Variants in TACC2 observed in about 807,000 individuals in gnomAD.
TACC2 encodes transforming acidic coiled-coil containing protein 2, also known as transforming acidic coiled-coil-containing protein 2.
TACC2 carries 137 observed loss-of-function variants against 227.3 expected under a neutral mutation model. The observed-to-expected ratio is 0.60, with a 90% CI of 0.52 to 0.69. The LOEUF is 0.69. Among genes scored for constraint, TACC2 ranks in the 30% least tolerant of loss-of-function variants. The probability of loss-of-function intolerance (pLI) is 0.00; values close to 1 mark genes in which losing one functional copy is unlikely to be tolerated. For missense variants in TACC2, 3,470 were observed against 3,694.4 expected (o/e 0.94, Z 1.57); for synonymous variants, 1,523 against 1,487.5 (o/e 1.02, Z -0.55).
At chr10:122,044,174 C>A (rs2074692831) in intron 2 of TACC2, among the ~76,000 whole-genome samples, 1 of 152,258 alleles carries the variant, frequency 6.6e-6, no homozygotes, top group South Asian at 2.1e-4. Flanking sequence ...CTCTATCGTG[C>A]TGTATCACAT....
chr10:122,203,943 G>A (rs1186344126), intron 8 of TACC2, among the ~76,000 whole-genome samples: 1 of 151,922 alleles, frequency 6.6e-6, no homozygotes, highest in Non-Finnish European at 1.5e-5. Context: ...ATCACTCGCG[G>A]TTAGGGGCTG....
chr10:122,074,340 A>G (rs1412187557), intron 3 of TACC2, among the ~76,000 whole-genome samples: 1 of 152,080 alleles, frequency 6.6e-6, no homozygotes, highest in Non-Finnish European at 1.5e-5. Flanking sequence ...TCGGCCTCCC[A>G]AAGTGCTGGG....
intron 18 of TACC2, among the ~76,000 whole-genome samples, chr10:122,238,595 G>A (rs972133181): frequency 6.6e-6 from 1 of 151,950 alleles, no homozygotes; most frequent in Non-Finnish European, 1.5e-5. Flanking sequence ...GATTACAGGC[G>A]CCTGCCACCA....
At chr10:122,154,969 CAAG>C (rs2092364736) in intron 7 of TACC2, among the ~76,000 whole-genome samples, 2 of 152,198 alleles carry the variant, frequency 1.3e-5, no homozygotes, top group South Asian at 4.1e-4. Flanking sequence ...GCCTGGCTCA[CAAG>C]AAGGGCAGCC....
At position 122,063,851 on chromosome 10, in the gene TACC2, C is replaced by CACACAT. The variant is rs1554989063; in HGVS notation, c.146+13306_146+13307insTACACA. On this transcript the variant is annotated intron_variant, in intron 3 of 22. Transcript: ENST00000369005. ...TATAATACACACACACACACACACA[C>CACACAT]ACACACCCTTAAAGAAATGTGTGTG... Among the ~76,000 whole-genome samples the CACACAT allele has an allele frequency of 2.6e-5, 4 of 151,382 alleles. No homozygotes were observed. In the East Asian group the frequency reaches 7.8e-4, roughly 29 times the overall value.
intron 3 of TACC2, among the ~76,000 whole-genome samples, chr10:122,063,831 T>TACACACACACAC (rs139868618): frequency 3.4e-5 from 5 of 146,392 alleles, no homozygotes; most frequent in African/African-American, 1.3e-4. Flanking sequence ...TATTATATAA[T>TACACACACACAC]ACACACACAC....
intron 2 of TACC2, among the ~76,000 whole-genome samples, chr10:122,041,968 C>T (rs973890366): frequency 5.3e-5 from 8 of 152,108 alleles, no homozygotes; most frequent in Admixed American, 1.3e-4. Flanking sequence ...TTTTTTGAGA[C>T]GGAGTCTCGC....
At chr10:122,189,663 G>A (rs530213803) in intron 7 of TACC2, among the ~76,000 whole-genome samples, 1 of 152,182 alleles carries the variant, frequency 6.6e-6, no homozygotes. Context: ...ACCTGGATTC[G>A]AATATGGAAG....
intron 14 of TACC2, among the ~76,000 whole-genome samples, chr10:122,228,343 G>A (rs2095667876): frequency 6.6e-6 from 1 of 152,220 alleles, no homozygotes; most frequent in Non-Finnish European, 1.5e-5. Context: ...CTTGATGGCA[G>A]AGGGCAAGGG....
At chr10:122,112,442 C>A (rs550839837) in intron 5 of TACC2, among the ~76,000 whole-genome samples, 1 of 152,312 alleles carries the variant, frequency 6.6e-6, no homozygotes, top group African/African-American at 2.4e-5. Flanking sequence ...ATAGAACGCA[C>A]GTCAAGTTTT....
At chr10:122,041,599 G>A (rs902661045) in intron 2 of TACC2, among the ~76,000 whole-genome samples, 1 of 151,526 alleles carries the variant, frequency 6.6e-6, no homozygotes, top group Non-Finnish European at 1.5e-5. Context: ...GGTGCACACC[G>A]CCATGCCTGG....
chr10:122,106,370 CAG>C (rs897371484), intron 5 of TACC2, among the ~76,000 whole-genome samples: 100 of 152,284 alleles, frequency 6.6e-4, no homozygotes, highest in African/African-American at 2.3e-3. Flanking sequence ...TATGGGCACT[CAG>C]AGGGTGATTG....
Position 122,087,813 on chromosome 10 carries a change from GC to G in TACC2, c.5317del (p.Gln1773SerfsTer107), listed in dbSNP as rs1417788599. Reference sequence around the variant, plus strand: ...CCCTTCATGGGGACAGCCCAGCCAGGCCCCAGCAGGCTAAGGAGCAGCCAGG... The same window carrying G: ...CCCTTCATGGGGACAGCCCAGCCAGGCCCAGCAGGCTAAGGAGCAGCCAGG... ...AALHGDSPAR[P>X]QQAKEQPGPE... On this transcript the variant is annotated frameshift_variant, in exon 4 of 23. Transcript: ENST00000369005. LOFTEE classifies it high-confidence loss of function. The G allele has an allele frequency of 2.5e-6, 4 of 1,572,920 alleles. No homozygotes were observed. Among genetic ancestry groups the G allele is most frequent in the Non-Finnish European group, 3.5e-6 (4 of 1,158,060 alleles).
intron 13 of TACC2, among the ~76,000 whole-genome samples, chr10:122,227,423 T>C (rs1283022612): frequency 6.6e-6 from 1 of 152,242 alleles, no homozygotes. Context: ...ATGGTGGTTA[T>C]GTTGTTAAAA....
intron 8 of TACC2, among the ~76,000 whole-genome samples, chr10:122,204,915 G>T (rs1401498620): frequency 6.6e-6 from 1 of 151,616 alleles, no homozygotes; most frequent in Non-Finnish European, 1.5e-5. Flanking sequence ...TGAACCGCCC[G>T]CACAGCACAG....
At chr10:122,120,918 C>T (rs2085644353) in intron 5 of TACC2, among the ~76,000 whole-genome samples, 1 of 152,130 alleles carries the variant, frequency 6.6e-6, no homozygotes. Flanking sequence ...ATGCGTGCCA[C>T]CATGCCCAGC....
At chr10:122,114,368 C>T (rs989014849) in intron 5 of TACC2, among the ~76,000 whole-genome samples, 10 of 152,192 alleles carry the variant, frequency 6.6e-5, no homozygotes, top group African/African-American at 2.2e-4. Flanking sequence ...GTGAGATGCA[C>T]GTGCAGATTA....
At position 122,050,796 on chromosome 10, in the gene TACC2, C is replaced by G. The variant is rs1339985878; in HGVS notation, c.146+246C>G. The G allele has an allele frequency of 2.0e-6, 1 of 499,216 alleles. No individual in the cohort carries two copies. Among genetic ancestry groups the G allele is most frequent in the Admixed American group, 3.6e-5 (1 of 28,002 alleles). 30.9% of individuals were successfully genotyped at this position (499,216 alleles called of 1,614,324 possible). A position where few individuals can be genotyped will look rare whatever the true frequency, so the allele number is the denominator to read the frequency against. ...AAATTAGTAATTATAGACTTCCATT[C>G]CAGCCACACTCCAGAGTATCTTCAT... On this transcript the variant is annotated intron_variant, in intron 3 of 22. Transcript: ENST00000369005. This position sits in a 1 kb window ranked among gnomAD's most constrained non-coding sequence, Gnocchi z 4.6.
At chr10:122,080,264 A>G (rs1262489064) in intron 3 of TACC2, among the ~76,000 whole-genome samples, 1 of 134,526 alleles carries the variant, frequency 7.4e-6, no homozygotes. Context: ...ACAGAGTCTC[A>G]CTCTGTTGCC....
Sources: allele counts gnomAD v4.1 joint callset (sites outside exome capture counted in the v4.1 genomes callset), GRCh38; gene constraint gnomAD v4.1.1; non-coding constraint Gnocchi (gnomAD v3.1); transcripts MANE v1.5; gene names NCBI Gene and HGNC (gene_info 2026-07-23, HGNC 2026-07-21).